The following SMYD1 variants were observed in gnomAD, a reference collection of about 807,000 sequenced individuals.
The protein encoded by SMYD1 is histone-lysine N-methyltransferase SMYD1.
Under a neutral mutation model 54.0 loss-of-function variants are expected in SMYD1, and 49 were observed. That is an observed-to-expected ratio of 0.91 (90% confidence interval 0.72 to 1.15). SMYD1 has a LOEUF of 1.15. SMYD1 is among the 50% of genes most tolerant of loss of function. The pLI is 0.00. For missense variants in SMYD1, 653 were observed against 639.6 expected, an observed-to-expected ratio of 1.02 and a Z score of -0.23; for synonymous variants, 269 against 234.2, an observed-to-expected ratio of 1.15 and a Z score of -1.36.
intron 9 of SMYD1, among the ~76,000 whole-genome samples, chr2:88,109,609 A>G (rs779815114): frequency 5.9e-5 from 9 of 152,190 alleles, no homozygotes; most frequent in Non-Finnish European, 8.8e-5. Context: ...GAAGGTGGAC[A>G]GACTTTGGTG....
At chr2:88,099,409 C>T (rs896884134) in intron 6 of SMYD1, among the ~76,000 whole-genome samples, 1 of 152,110 alleles carries the variant, frequency 6.6e-6, no homozygotes, top group South Asian at 2.1e-4. Context: ...CTCTCTCCAG[C>T]CTTTACCCAT....
chr2:88,081,426 G>C (rs1301958793), intron 1 of SMYD1, among the ~76,000 whole-genome samples: 2 of 150,940 alleles, frequency 1.3e-5, no homozygotes, highest in Admixed American at 6.6e-5. Flanking sequence ...TTTGTAATTT[G>C]ACCCTAATTT....
At chr2:88,098,889 C>T (rs76832179) in intron 6 of SMYD1, among the ~76,000 whole-genome samples, 19 of 152,254 alleles carry the variant, frequency 1.2e-4, no homozygotes, top group Non-Finnish European at 2.9e-5. Context: ...CAGCCTCAAA[C>T]CTTCAATTGC....
chr2:88,110,280 C>A (rs1674986083), intron 9 of SMYD1, 74 bp from the exon 10 acceptor site: 4 of 1,466,642 alleles, frequency 2.7e-6, no homozygotes, highest in African/African-American at 1.4e-5. Context: ...AAATAATTTA[C>A]CCCAAGGTAT....
At chr2:88,101,180 C>A (rs1674710954) in intron 6 of SMYD1, among the ~76,000 whole-genome samples, 1 of 152,334 alleles carries the variant, frequency 6.6e-6, no homozygotes, top group Non-Finnish European at 1.5e-5. Context: ...GATACATTTT[C>A]ATTGGAACAA....
intron 5 of SMYD1, among the ~76,000 whole-genome samples, chr2:88,094,603 T>C (rs1358585470): frequency 2.0e-5 from 3 of 152,218 alleles, no homozygotes; most frequent in African/African-American, 7.2e-5. Context: ...AAATCAGGCA[T>C]ACATATATGC....
At chr2:88,070,416 C>G (rs1190584760) in intron 1 of SMYD1, among the ~76,000 whole-genome samples, 1 of 151,584 alleles carries the variant, frequency 6.6e-6, no homozygotes, top group African/African-American at 2.4e-5. Context: ...TAGTTGAGCA[C>G]TGCATTAAAT....
rs140282897 is a variant in SMYD1 at position 88,093,392 on chromosome 2, T to A, written c.660-125T>A. The A allele has an allele frequency of 2.1e-4, 230 of 1,114,228 alleles. No individual in the cohort carries two copies. The African/African-American group carries it at 3.3e-3, about 16-fold the overall frequency. The allele number at this position is 1,114,228 out of a possible 1,614,324, so 69.0% of individuals were successfully genotyped here. On this transcript the variant is annotated intron_variant, in intron 4 of 9. Coordinates refer to ENST00000419482, the MANE Select transcript of SMYD1 (RefSeq NM_198274.4). ...TGAGTCCAGCTAGAAGGGGCTAGGA[T>A]AAAGGTTATTGTGATGGCCAAAGCT...
chr2:88,110,451 T>G lies in SMYD1; in HGVS notation c.1412T>G (p.Met471Arg), dbSNP rs752773485. The change falls in exon 10 of 10, where the codon ATG becomes AGG. Residue 471 changes from methionine (M) to arginine (R), a missense_variant. Met to Arg is a moderately conservative substitution (Grantham distance 91). Transcript: ENST00000419482. ...MREAALNNQP[M>R]QVMAEPSNEP... is the part of the protein sequence containing the mutation. The stretch of plus-strand genomic sequence containing the variant: ...GAGGCTGCCCTGAACAACCAGCCCA[T>G]GCAGGTCATGGCCGAGCCCAGCAAT... The G allele has an allele frequency of 4.4e-6, 7 of 1,606,738 alleles. No individual in the cohort carries two copies. The African/African-American group carries it at 9.4e-5, about 21-fold the overall frequency.
rs530943158 is a variant in SMYD1, at chr2:88,087,888, T to C, written c.341T>C (p.Val114Ala). ...IRLAARIMWRVEREGTGLTEG... is the reference protein window; with the variant it reads ...IRLAARIMWRAEREGTGLTEG... ...CTGGCGGCGCGCATCATGTGGCGGGTGGAGAGAGAAGGCACCGGGCTCACG... is the reference window on the plus strand; with the variant it reads ...CTGGCGGCGCGCATCATGTGGCGGGCGGAGAGAGAAGGCACCGGGCTCACG... The change falls in exon 3 of 10, where the codon GTG becomes GCG. Residue 114 changes from valine (V) to alanine (A), a missense_variant. Physicochemically the swap from Val to Ala is moderately conservative, Grantham distance 64 (BLOSUM62 0). Coordinates refer to ENST00000419482, the MANE Select transcript of SMYD1 (RefSeq NM_198274.4). 2 of 1,567,058 alleles carry C rather than the reference T, an allele frequency of 1.3e-6. No homozygotes were observed. Among genetic ancestry groups the C allele is most frequent in the African/African-American group, 1.4e-5 (1 of 73,284 alleles).
chr2:88,112,176 G>T lies in SMYD1; in HGVS notation c.*1664G>T, dbSNP rs1675040327. On this transcript the variant is annotated 3_prime_UTR_variant, in exon 10 of 10. Coordinates refer to ENST00000419482, the MANE Select transcript of SMYD1 (RefSeq NM_198274.4). ...GGGACGGCACTAACTTTCTCCCAGG[G>T]ATCTAACTGGCTAGTTCAAATTATC... The T allele has an allele frequency of 4.3e-6, 3 of 702,996 alleles. No individual in the cohort carries two copies. Among genetic ancestry groups the T allele is most frequent in the Non-Finnish European group, 7.8e-6 (3 of 384,990 alleles). The allele number at this position is 702,996 out of a possible 1,614,324, so 43.5% of individuals were successfully genotyped here. A position where few individuals can be genotyped will look rare whatever the true frequency, so the allele number is the denominator to read the frequency against.
chr2:88,104,089 C>T (rs1674794228), intron 7 of SMYD1, among the ~76,000 whole-genome samples: 1 of 151,954 alleles, frequency 6.6e-6, no homozygotes, highest in Admixed American at 6.6e-5. Context: ...GCCTCAGCCT[C>T]CCAAGTAGCT....
intron 5 of SMYD1, among the ~76,000 whole-genome samples, chr2:88,095,451 C>T (rs1674560917): frequency 6.6e-6 from 1 of 152,196 alleles, no homozygotes; most frequent in African/African-American, 2.4e-5. Context: ...AGCAGTTGCT[C>T]CCTTGACTGT....
At chr2:88,082,812 G>T (rs1334017941) in intron 1 of SMYD1, among the ~76,000 whole-genome samples, 2 of 152,154 alleles carry the variant, frequency 1.3e-5, no homozygotes, top group African/African-American at 2.4e-5. Context: ...ACCTGACCAG[G>T]CTTGTTCCAT....
In SMYD1 at chr2:88,095,037, G is replaced by A. The variant is rs118030997; in HGVS notation, c.698+1482G>A. On this transcript the variant is annotated intron_variant, in intron 5 of 9. Coordinates refer to ENST00000419482, the MANE Select transcript of SMYD1 (RefSeq NM_198274.4). ...TACTATGTTGAGGACAATTGTGAAT[G>A]GTATGAAGTACCATTCATGATGGTA... 8.2e-4 allele frequency among the ~76,000 whole-genome samples: 125 copies of A among 152,194 alleles called. 3 individuals carry two copies. In the East Asian group the frequency reaches 0.022, roughly 26 times the overall value.
intron 1 of SMYD1, among the ~76,000 whole-genome samples, chr2:88,072,420 G>A (rs1246279789): frequency 1.3e-5 from 2 of 152,330 alleles, no homozygotes; most frequent in East Asian, 3.9e-4. Context: ...CAAAGTGCTA[G>A]GATTACAGGC....
Position 88,067,908 on chromosome 2 carries a change from AG to A in SMYD1, c.47del (p.Gly16AlafsTer6), listed in dbSNP as rs755682592. The A allele has an allele frequency of 1.9e-6, 3 of 1,613,936 alleles. No homozygotes were observed. The highest frequency in any genetic ancestry group is 2.7e-5 in the African/African-American group (2 of 74,892). On this transcript the variant is annotated frameshift_variant, in exon 1 of 10. Coordinates refer to ENST00000419482, the MANE Select transcript of SMYD1 (RefSeq NM_198274.4). LOFTEE classifies it high-confidence loss of function. ...RMENVEVFTAEGKGRGLKATK... is the reference protein window; with the variant it reads ...RMENVEVFTAXGKGRGLKATK... ...GAGAACGTGGAGGTCTTCACCGCTG[AG>A]GGCAAAGGAAGGGGTCTGAAGGCCA...
intron 9 of SMYD1, among the ~76,000 whole-genome samples, chr2:88,110,136 G>C (rs1299620604): frequency 6.6e-6 from 1 of 151,654 alleles, no homozygotes; most frequent in South Asian, 2.1e-4. Flanking sequence ...ACTCTCTCAG[G>C]GTTCTGACTC....
chr2:88,099,830 TTTTCCTCTGGCTTCTCCCC>T (rs139939772), intron 6 of SMYD1, among the ~76,000 whole-genome samples: 34,120 of 151,596 alleles, frequency 0.23, 4,018 homozygotes, highest in African/African-American at 0.29. Context: ...CTTTGGCTCC[TTTTCCTCTGGCTTCTCCCC>T]TTTCCTCTGG....
Sources: gnomAD v4.1 joint callset for allele counts (sites outside exome capture counted in the v4.1 genomes callset) on GRCh38, gnomAD v4.1.1 for gene constraint, MANE v1.5 for transcripts, NCBI Gene and HGNC (gene_info 2026-07-23, HGNC 2026-07-21) for gene names.